MPP7: variants seen among roughly 807,000 people sequenced by gnomAD.
MPP7 encodes the protein MAGUK p55 subfamily member 7.
Under a neutral mutation model 76.5 loss-of-function variants are expected in MPP7, and 60 were observed. The observed-to-expected ratio is 0.78, with a 90% confidence interval of 0.64 to 0.97. The LOEUF is 0.97. Ranked by LOEUF, MPP7 falls within the 50% of genes least tolerant of loss-of-function variation. The pLI, the probability that MPP7 is intolerant of heterozygous loss-of-function variation, is 0.00. For synonymous variants in MPP7, 237 were observed against 244.5 expected (o/e 0.97, Z 0.29); for missense variants, 641 against 694.0 (o/e 0.92, Z 0.86).
chr10:28,270,604 G>T (rs1840298285), intron 1 of MPP7, among the ~76,000 whole-genome samples: 1 of 151,282 alleles, frequency 6.6e-6, no homozygotes. Flanking sequence ...AAAGGCACGT[G>T]TGCCTACTTC....
At chr10:28,156,011 A>C (rs188598992) in intron 3 of MPP7, among the ~76,000 whole-genome samples, 1 of 152,328 alleles carries the variant, frequency 6.6e-6, no homozygotes, top group African/African-American at 2.4e-5. Context: ...TAGAGATTTA[A>C]CTGTTATCTC....
intron 11 of MPP7, among the ~76,000 whole-genome samples, chr10:28,103,291 G>A (rs1326947364): frequency 6.6e-6 from 1 of 150,890 alleles, no homozygotes; most frequent in Non-Finnish European, 1.5e-5. Flanking sequence ...TCAGGGGCCT[G>A]TACACATGCA....
intron 12 of MPP7, among the ~76,000 whole-genome samples, chr10:28,076,246 T>G (rs1003850467): frequency 6.6e-6 from 1 of 152,152 alleles, no homozygotes; most frequent in Non-Finnish European, 1.5e-5. Flanking sequence ...TAGGGTTCCA[T>G]TGTGAATGTA....
At position 28,145,040 on chromosome 10, in the gene MPP7, A is replaced by G. The variant is rs137912625; in HGVS notation, c.315+2443T>C. Among the ~76,000 whole-genome samples, 3 of 152,238 alleles carry G rather than the reference A, an allele frequency of 2.0e-5. No individual in the cohort carries two copies. In the East Asian group the frequency reaches 5.8e-4, roughly 29 times the overall value. ...ACAATTCTCCTGCCTCAGCCTCCCG[A>G]GTAGCTGGGATTACAGGCACACACC... On this transcript the variant is annotated intron_variant, in intron 5 of 16. Transcript: ENST00000683449.
chr10:28,096,162 A>G (rs1355743754), intron 11 of MPP7, among the ~76,000 whole-genome samples: 3 of 152,228 alleles, frequency 2.0e-5, no homozygotes, highest in Non-Finnish European at 4.4e-5. Flanking sequence ...AGACTGCAAT[A>G]AACATCCCTT....
At chr10:28,074,143 A>C (rs1333669131) in intron 12 of MPP7, among the ~76,000 whole-genome samples, 3 of 152,174 alleles carry the variant, frequency 2.0e-5, no homozygotes, top group African/African-American at 7.2e-5. Context: ...TGAATGAACA[A>C]ATAAAACATT....
At chr10:28,056,777 A>T (rs1051805699) in intron 15 of MPP7, among the ~76,000 whole-genome samples, 154 bp from the exon 16 acceptor site, 7 of 152,198 alleles carry the variant, frequency 4.6e-5, no homozygotes, top group African/African-American at 1.4e-4. Context: ...AATTAAATGT[A>T]ACAAACACTT....
chr10:28,204,209 G>A (rs1263531323), intron 2 of MPP7, among the ~76,000 whole-genome samples: 1 of 152,102 alleles, frequency 6.6e-6, no homozygotes, highest in African/African-American at 2.4e-5. Flanking sequence ...TTGGGAGGCC[G>A]AGGTGGGCAG....
At chr10:28,324,732 A>T (rs141215793) in intron 2 of MPP7, among the ~76,000 whole-genome samples, 1,529 of 152,320 alleles carry the variant, frequency 0.01, 6 homozygotes, top group Admixed American at 0.017. Context: ...ATGAGCATAG[A>T]TGTAATTAAT....
intron 2 of MPP7, among the ~76,000 whole-genome samples, chr10:28,228,730 C>T (rs1838779607): frequency 6.6e-6 from 1 of 151,862 alleles, no homozygotes; most frequent in Admixed American, 6.6e-5. Flanking sequence ...CACTGCACTC[C>T]AGCCTGGGTG....
At chr10:28,300,294 G>C (rs181799254) in intron 1 of MPP7, among the ~76,000 whole-genome samples, 158 of 152,256 alleles carry the variant, frequency 1.0e-3, no homozygotes, top group African/African-American at 3.4e-3. Context: ...AAACCATTGG[G>C]GGAGGGGGAG....
At chr10:28,077,799 G>A (rs773237041) in intron 12 of MPP7, among the ~76,000 whole-genome samples, 12 of 152,210 alleles carry the variant, frequency 7.9e-5, no homozygotes, top group Non-Finnish European at 1.8e-4. Flanking sequence ...GCTTGCTAAT[G>A]ATAAAGCGAA....
chr10:28,058,253 A>G (rs963051028), intron 15 of MPP7, among the ~76,000 whole-genome samples: 2 of 152,232 alleles, frequency 1.3e-5, no homozygotes, highest in African/African-American at 4.8e-5. Flanking sequence ...CTGAATATAA[A>G]TAAGAGTTAC....
At chr10:28,129,006 A>G (rs935170363) in intron 6 of MPP7, among the ~76,000 whole-genome samples, 1 of 152,190 alleles carries the variant, frequency 6.6e-6, no homozygotes, top group Non-Finnish European at 1.5e-5. Flanking sequence ...CTTGGAGGGT[A>G]AACTACAGAC....
intron 5 of MPP7, among the ~76,000 whole-genome samples, chr10:28,144,900 A>G (rs1588844155): frequency 6.6e-6 from 1 of 151,998 alleles, no homozygotes; most frequent in Admixed American, 6.6e-5. Context: ...GCATTAGAAG[A>G]AAAAAAATCT....
intron 3 of MPP7, among the ~76,000 whole-genome samples, chr10:28,192,915 TA>T (rs1837456564): frequency 6.6e-6 from 1 of 152,136 alleles, no homozygotes; most frequent in African/African-American, 2.4e-5. Flanking sequence ...GATGAAAGTA[TA>T]AACAAATAGA....
chr10:28,105,051 G>A lies in MPP7; in HGVS notation c.952+14600C>T, dbSNP rs916132119. 2.9e-4 allele frequency among the ~76,000 whole-genome samples: 44 copies of A among 150,872 alleles called. 1 individual carries two copies. The highest frequency in any genetic ancestry group is 5.9e-5 in the Non-Finnish European group (4 of 67,860). On this transcript the variant is annotated intron_variant, in intron 11 of 16. Transcript: ENST00000683449. ...ACTCTATAATCCCAGCTAGTCGGGA[G>A]GCTGAGGCAGGAGAATCGCTTAAAC...
intron 4 of MPP7, among the ~76,000 whole-genome samples, chr10:28,149,145 G>A (rs1016332728): frequency 7.2e-5 from 11 of 152,032 alleles, no homozygotes; most frequent in Non-Finnish European, 1.3e-4. Context: ...TTCTCAAGAT[G>A]GCCAATTTTT....
chr10:28,130,192 T>G (rs1422482983), intron 6 of MPP7, among the ~76,000 whole-genome samples: 1 of 152,152 alleles, frequency 6.6e-6, no homozygotes, highest in Non-Finnish European at 1.5e-5. Flanking sequence ...ATTCTAATAT[T>G]TACATAATGT....
Sources: gnomAD v4.1 joint callset for allele counts (sites outside exome capture counted in the v4.1 genomes callset) on GRCh38, gnomAD v4.1.1 for gene constraint, MANE v1.5 for transcripts, NCBI Gene and HGNC (gene_info 2026-07-23, HGNC 2026-07-21) for gene names.